The following CSE1L variants were observed in gnomAD, a reference collection of about 807,000 sequenced individuals.
CSE1L encodes the protein chromosome segregation 1 like, also known as exportin-2.
In CSE1L, 24 loss-of-function variants were observed where a neutral mutation model predicts 120.4. That is an observed-to-expected ratio of 0.20 (90% confidence interval 0.14 to 0.28). The LOEUF is 0.28. CSE1L is among the 10% of genes least tolerant of loss of function. The probability of loss-of-function intolerance (pLI) is 1.00; values close to 1 mark genes in which losing one functional copy is unlikely to be tolerated. For missense variants in CSE1L, 830 were observed against 1,145.2 expected (o/e 0.72, Z 3.97); for synonymous variants, 402 against 398.3 (o/e 1.01, Z -0.11).
At chr20:49,080,230 TAC>T (rs1345177845) in intron 14 of CSE1L, among the ~76,000 whole-genome samples, 3 of 151,946 alleles carry the variant, frequency 2.0e-5, no homozygotes, top group African/African-American at 7.2e-5. Flanking sequence ...TATCAGGATA[TAC>T]ACAATATCTG....
intron 22 of CSE1L, among the ~76,000 whole-genome samples, 158 bp downstream of exon 22, chr20:49,092,285 A>G (rs2092107452): frequency 6.6e-6 from 1 of 152,002 alleles, no homozygotes; most frequent in African/African-American, 2.4e-5. Flanking sequence ...AGTAAAGAAA[A>G]AGTAATCCTG....
intron 11 of CSE1L, 112 bp downstream of exon 11, chr20:49,074,962 G>T (rs2091959263): frequency 2.8e-6 from 2 of 720,670 alleles, no homozygotes; most frequent in Non-Finnish European, 4.6e-6. Flanking sequence ...TTTTTCAGCG[G>T]GCTTTCATTG....
At position 49,063,251 on chromosome 20, in the gene CSE1L, G is replaced by A; in HGVS notation, c.135G>A (p.Leu45=). ...AAGGAAATCAGAATTATCCACTGTT[G>A]CTTTTGACATTACTGGAGAAGTCCC... The part of the protein sequence containing the change: ...SVEGNQNYPL[L]LLTLLEKSQD... Residue 45 remains leucine (L), a synonymous_variant, in exon 3 of 25, where the codon TTG becomes TTA. Coordinates refer to ENST00000262982, the MANE Select transcript of CSE1L (RefSeq NM_001316.4). 2 of 1,597,354 alleles carry A rather than the reference G, an allele frequency of 1.3e-6. No individual in the cohort carries two copies. The highest frequency in any genetic ancestry group is 1.7e-6 in the Non-Finnish European group (2 of 1,173,374).
intron 12 of CSE1L, 100 bp downstream of exon 12, chr20:49,075,620 C>A: frequency 1.1e-6 from 1 of 883,998 alleles, no homozygotes; most frequent in Admixed American, 2.4e-5. Context: ...CTTACTCTGC[C>A]AGATAACCTA....
chr20:49,061,171 T>A (rs1169072141), intron 2 of CSE1L, among the ~76,000 whole-genome samples: 1 of 145,632 alleles, frequency 6.9e-6, no homozygotes, highest in African/African-American at 2.6e-5. Context: ...TTAAAAATTT[T>A]TTTTTTTTTT....
chr20:49,062,434 C>G (rs2091859866), intron 2 of CSE1L, among the ~76,000 whole-genome samples: 1 of 152,170 alleles, frequency 6.6e-6, no homozygotes, highest in Non-Finnish European at 1.5e-5. Context: ...GTACTGCCAT[C>G]ACATGTGATC....
At chr20:49,071,378 G>T (rs950078064) in intron 8 of CSE1L, among the ~76,000 whole-genome samples, 1 of 152,194 alleles carries the variant, frequency 6.6e-6, no homozygotes, top group African/African-American at 2.4e-5. Flanking sequence ...TTTTTGGATA[G>T]AATTCTTACA....
At chr20:49,077,419 C>T (rs2091977916) in intron 13 of CSE1L, among the ~76,000 whole-genome samples, 1 of 152,180 alleles carries the variant, frequency 6.6e-6, no homozygotes, top group Admixed American at 6.5e-5. Context: ...GTCGGCCTGC[C>T]AAAGTGCTGG....
chr20:49,048,801 G>A (rs893399848), intron 1 of CSE1L, among the ~76,000 whole-genome samples: 1 of 152,150 alleles, frequency 6.6e-6, no homozygotes, highest in African/African-American at 2.4e-5. Flanking sequence ...TTGAGGTGTT[G>A]GGATATGTTC....
intron 1 of CSE1L, among the ~76,000 whole-genome samples, chr20:49,052,638 T>TGG (rs2091776315): frequency 6.6e-6 from 1 of 152,086 alleles, no homozygotes. Context: ...GTGGTGGTGG[T>TGG]TGTTTTGGAG....
intron 1 of CSE1L, among the ~76,000 whole-genome samples, chr20:49,050,385 ATTTTTTTTT>A (rs1243770980): frequency 3.8e-5 from 3 of 79,018 alleles, no homozygotes; most frequent in Admixed American, 1.5e-4. Flanking sequence ...AGCCCAGCTA[ATTTTTTTTT>A]TTTTTTTTTT....
chr20:49,070,783 A>T (rs1465180923), intron 8 of CSE1L, among the ~76,000 whole-genome samples: 1 of 152,112 alleles, frequency 6.6e-6, no homozygotes, highest in African/African-American at 2.4e-5. Flanking sequence ...AAATAAAAAT[A>T]AAATTAGCCA....
At chr20:49,078,684 CCTT>C in intron 14 of CSE1L, 62 bp downstream of exon 14, 1 of 1,056,938 alleles carries the variant, frequency 9.5e-7, no homozygotes, top group East Asian at 2.7e-5. Context: ...TTATGTACCA[CCTT>C]CTCATCTACT....
At position 49,072,694 on chromosome 20, in the gene CSE1L, A is replaced by C; in HGVS notation, c.1063A>C (p.Arg355=). The C allele has an allele frequency of 1.2e-6, 2 of 1,605,816 alleles. No individual in the cohort carries two copies. Among genetic ancestry groups the C allele is most frequent in the Non-Finnish European group, 1.7e-6 (2 of 1,177,856 alleles). The part of the protein sequence containing the change: ...EKVIVPNMEF[R]AADEEAFEDN... ...GGTTATTGTGCCTAACATGGAATTT[A>C]GAGGTAATTATGGCAAAAGTATATT... The change falls in exon 10 of 25, where the codon AGA becomes CGA. Residue 355 remains arginine, a synonymous_variant. Coordinates refer to ENST00000262982, the MANE Select transcript of CSE1L (RefSeq NM_001316.4).
At chr20:49,056,871 G>C (rs1235915903) in intron 1 of CSE1L, among the ~76,000 whole-genome samples, 2 of 151,846 alleles carry the variant, frequency 1.3e-5, no homozygotes, top group African/African-American at 4.8e-5. Context: ...GTGTGTGTGT[G>C]TGTGTGTGTG....
chr20:49,050,181 A>G (rs1270053960), intron 1 of CSE1L, among the ~76,000 whole-genome samples: 1 of 151,218 alleles, frequency 6.6e-6, no homozygotes, highest in East Asian at 1.9e-4. Context: ...TCATTCTATT[A>G]TGTGGTTTTA....
At chr20:49,091,517 T>G (rs1241977964) in intron 21 of CSE1L, among the ~76,000 whole-genome samples, 1 of 151,968 alleles carries the variant, frequency 6.6e-6, no homozygotes, top group Non-Finnish European at 1.5e-5. Flanking sequence ...GAGTATTCCT[T>G]GAGTCCAGGA....
intron 1 of CSE1L, among the ~76,000 whole-genome samples, chr20:49,056,719 T>A (rs1444232915): frequency 6.6e-6 from 1 of 152,012 alleles, no homozygotes; most frequent in Non-Finnish European, 1.5e-5. Context: ...TTTAATTGAG[T>A]GGGTTCAGAC....
In CSE1L at chr20:49,096,566, A is replaced by G. The variant is rs1418090889; in HGVS notation, c.*128A>G. ...TCACGAATTCCATCTTGTAAAGGATATTAAATGTTGCTTTAACCTGAACCT... is the reference window on the plus strand; with the variant it reads ...TCACGAATTCCATCTTGTAAAGGATGTTAAATGTTGCTTTAACCTGAACCT... On this transcript the variant is annotated 3_prime_UTR_variant, in exon 25 of 25. Transcript: ENST00000262982. The G allele has an allele frequency of 2.8e-6, 2 of 723,966 alleles. No homozygotes were observed. The highest frequency in any genetic ancestry group is 2.7e-5 in the East Asian group (1 of 37,262). The allele number at this position is 723,966 out of a possible 1,614,324, so 44.8% of individuals were successfully genotyped here.
Sources: allele counts gnomAD v4.1 joint callset (sites outside exome capture counted in the v4.1 genomes callset), GRCh38; gene constraint gnomAD v4.1.1; transcripts MANE v1.5; gene names NCBI Gene and HGNC (gene_info 2026-07-23, HGNC 2026-07-21).